Variants in ADGRB3 observed in about 807,000 individuals in gnomAD.
The protein encoded by ADGRB3 is brain-specific angiogenesis inhibitor 3.
ADGRB3 carries 37 observed loss-of-function variants against 193.4 expected under a neutral mutation model. That is an observed-to-expected ratio of 0.19 (90% CI 0.15 to 0.25). The LOEUF (loss-of-function observed/expected upper bound fraction) is 0.25. Ranked by LOEUF, ADGRB3 falls within the 10% of genes least tolerant of loss-of-function variation. The pLI, the probability that ADGRB3 is intolerant of heterozygous loss-of-function variation, is 1.00. For missense variants in ADGRB3, 1,637 were observed against 1,852.9 expected (o/e 0.88, Z 2.14); for synonymous variants, 690 against 644.2 (o/e 1.07, Z -1.08).
At chr6:68,706,457 GT>G (rs1765327344) in intron 3 of ADGRB3, among the ~76,000 whole-genome samples, 1 of 152,172 alleles carries the variant, frequency 6.6e-6, no homozygotes, top group Non-Finnish European at 1.5e-5. Context: ...GGAGGTGACC[GT>G]ATGTGTATGG....
intron 10 of ADGRB3, among the ~76,000 whole-genome samples, chr6:68,979,298 C>T (rs963432211): frequency 6.6e-6 from 1 of 151,318 alleles, no homozygotes. Flanking sequence ...TGCATGTTAA[C>T]CACATGAAAG....
rs552751014 is a variant in ADGRB3, at chr6:69,153,983, A to G, written c.2480+77945A>G. Among the ~76,000 whole-genome samples the G allele has an allele frequency of 1.4e-3, 213 of 152,106 alleles. 1 individual carries two copies. The highest frequency in any genetic ancestry group is 4.9e-3 in the African/African-American group (202 of 41,476). ...ACTCCAGCCAGGGCGACAGAGTGAG[A>G]CTCTGTCTCAAAAAAAAAGAAACAT... is the stretch of plus-strand genomic sequence containing the variant. On this transcript the variant is annotated intron_variant, in intron 17 of 31. Transcript: ENST00000370598.
chr6:68,747,825 T>G (rs570822846), intron 3 of ADGRB3, among the ~76,000 whole-genome samples: 1 of 152,174 alleles, frequency 6.6e-6, no homozygotes, highest in African/African-American at 2.4e-5. Context: ...TATTAGTCGG[T>G]TTTCATGCTG....
intron 17 of ADGRB3, among the ~76,000 whole-genome samples, chr6:69,134,465 C>G (rs1774097091): frequency 6.6e-6 from 1 of 152,062 alleles, no homozygotes; most frequent in South Asian, 2.1e-4. Context: ...GGATTGGGAA[C>G]CATAGCTTTT....
At chr6:69,305,376 C>T (rs911463614) in intron 20 of ADGRB3, among the ~76,000 whole-genome samples, 1 of 151,310 alleles carries the variant, frequency 6.6e-6, no homozygotes, top group African/African-American at 2.4e-5. Context: ...ACTTTTTTGG[C>T]TAATAGAGAT....
chr6:69,010,428 C>A (rs1388742801), intron 11 of ADGRB3, among the ~76,000 whole-genome samples: 1 of 151,808 alleles, frequency 6.6e-6, no homozygotes, highest in East Asian at 1.9e-4. Context: ...TGCCATAATG[C>A]GGCAATGAAT....
intron 3 of ADGRB3, among the ~76,000 whole-genome samples, chr6:68,648,120 G>A (rs1471435506): frequency 1.3e-5 from 2 of 152,008 alleles, no homozygotes; most frequent in African/African-American, 4.8e-5. Context: ...CTAGCTACAC[G>A]GCTGTAAAAG....
At chr6:68,921,266 A>T (rs537414595) in intron 3 of ADGRB3, among the ~76,000 whole-genome samples, 1 of 152,360 alleles carries the variant, frequency 6.6e-6, no homozygotes, top group East Asian at 1.9e-4. Context: ...TATGTAAAAG[A>T]TACATGCTTG....
intron 3 of ADGRB3, among the ~76,000 whole-genome samples, chr6:68,745,404 A>G (rs1766064182): frequency 6.6e-6 from 1 of 152,158 alleles, no homozygotes; most frequent in Non-Finnish European, 1.5e-5. Context: ...AATTTATAGC[A>G]ACAGAAACAA....
chr6:68,769,686 C>T (rs1209379600), intron 3 of ADGRB3, among the ~76,000 whole-genome samples: 1 of 151,798 alleles, frequency 6.6e-6, no homozygotes, highest in Non-Finnish European at 1.5e-5. Flanking sequence ...TTAAAGTACA[C>T]ACACACAAAA....
chr6:68,722,101 AT>A (rs1173979981), intron 3 of ADGRB3, among the ~76,000 whole-genome samples: 1 of 151,762 alleles, frequency 6.6e-6, no homozygotes, highest in African/African-American at 2.4e-5. Flanking sequence ...ATCATTAAAA[AT>A]TTAGCACTTT....
chr6:68,971,675 T>C (rs1010991604), intron 8 of ADGRB3, among the ~76,000 whole-genome samples: 4 of 152,232 alleles, frequency 2.6e-5, no homozygotes, highest in African/African-American at 4.8e-5. Flanking sequence ...TATGTGTTCC[T>C]AATACATAGT....
rs139028229 is a variant in ADGRB3, at chr6:68,925,476, A to G, written c.758-5083A>G. Reference sequence around the variant, plus strand: ...TCAACAGAATTTACTTGCCTACCATACCTTAAGCCAGTCAGATGATGGAAT... The same window carrying G: ...TCAACAGAATTTACTTGCCTACCATGCCTTAAGCCAGTCAGATGATGGAAT... On this transcript the variant is annotated intron_variant, in intron 3 of 31. Coordinates refer to ENST00000370598, the MANE Select transcript of ADGRB3 (RefSeq NM_001704.3). Among the ~76,000 whole-genome samples, 461 of 152,094 alleles carry G rather than the reference A, an allele frequency of 3.0e-3. 1 individual carries two copies. Among genetic ancestry groups the G allele is most frequent in the African/African-American group, 0.011 (453 of 41,558 alleles).
At chr6:68,673,058 G>A (rs1769005813) in intron 3 of ADGRB3, among the ~76,000 whole-genome samples, 1 of 151,934 alleles carries the variant, frequency 6.6e-6, no homozygotes, top group African/African-American at 2.4e-5. Flanking sequence ...AGGTGTGTGT[G>A]TATACGTATG....
At chr6:69,171,462 A>G (rs1775269486) in intron 17 of ADGRB3, among the ~76,000 whole-genome samples, 1 of 152,220 alleles carries the variant, frequency 6.6e-6, no homozygotes, top group Admixed American at 6.5e-5. Flanking sequence ...TCAGGTATCC[A>G]TAGCTCCTAC....
chr6:68,970,302 T>C (rs758531716), intron 8 of ADGRB3, among the ~76,000 whole-genome samples: 1 of 151,910 alleles, frequency 6.6e-6, no homozygotes, highest in African/African-American at 2.4e-5. Flanking sequence ...TTTTTTTTTT[T>C]TAAATGGAAT....
At chr6:69,179,145 A>T (rs1401294892) in intron 17 of ADGRB3, among the ~76,000 whole-genome samples, 1 of 152,124 alleles carries the variant, frequency 6.6e-6, no homozygotes. Flanking sequence ...CATTTTTTAA[A>T]TGTTTTTTTA....
rs1768397793 is a variant in ADGRB3, at chr6:68,652,809, T to C, written c.757+13377T>C. On this transcript the variant is annotated intron_variant, in intron 3 of 31. Coordinates refer to ENST00000370598, the MANE Select transcript of ADGRB3 (RefSeq NM_001704.3). The stretch of plus-strand genomic sequence containing the variant: ...GAAGTTATTAGAGCAATAATAATTA[T>C]GCTTAATTCCTTTGGTGTTTACACA... Among the ~76,000 whole-genome samples, 3 of 152,276 alleles carry C rather than the reference T, an allele frequency of 2.0e-5. 1 individual carries two copies. In the South Asian group the frequency reaches 6.2e-4, roughly 32 times the overall value.
chr6:69,081,401 A>G (rs1182500731), intron 17 of ADGRB3, among the ~76,000 whole-genome samples: 2 of 151,996 alleles, frequency 1.3e-5, no homozygotes, highest in East Asian at 1.9e-4. Context: ...TTGGTTTTCA[A>G]ATTTATTGTG....
Sources: gnomAD v4.1 joint callset for allele counts (sites outside exome capture counted in the v4.1 genomes callset) on GRCh38, gnomAD v4.1.1 for gene constraint, MANE v1.5 for transcripts, NCBI Gene and HGNC (gene_info 2026-07-23, HGNC 2026-07-21) for gene names.